Variants in RGL1 observed in about 807,000 individuals in gnomAD.
The protein encoded by RGL1 is ral guanine nucleotide dissociation stimulator like 1.
Under a neutral mutation model 95.2 loss-of-function variants are expected in RGL1, and 24 were observed. The observed-to-expected ratio is 0.25, with a 90% CI of 0.18 to 0.35. The LOEUF (loss-of-function observed/expected upper bound fraction) is 0.35. Ranked by LOEUF, RGL1 falls within the 10% of genes least tolerant of loss-of-function variation. The pLI, the probability that RGL1 is intolerant of heterozygous loss-of-function variation, is 1.00. For missense variants in RGL1, 715 were observed against 936.3 expected (o/e 0.76, Z 3.08); for synonymous variants, 329 against 344.9 (o/e 0.95, Z 0.51).
chr1:183,819,021 ACTT>A (rs1488585428), intron 2 of RGL1, among the ~76,000 whole-genome samples: 3 of 152,220 alleles, frequency 2.0e-5, no homozygotes, highest in African/African-American at 7.2e-5. Flanking sequence ...TAATCCATAT[ACTT>A]CTTAGTGACA....
intron 11 of RGL1, among the ~76,000 whole-genome samples, chr1:183,901,310 A>G (rs532154742): frequency 6.6e-6 from 1 of 152,258 alleles, no homozygotes; most frequent in South Asian, 2.1e-4. Flanking sequence ...AAAAAAAGAA[A>G]AAGAATAAAT....
intron 2 of RGL1, among the ~76,000 whole-genome samples, chr1:183,809,467 C>T (rs1243550516): frequency 6.6e-6 from 1 of 152,138 alleles, no homozygotes; most frequent in Non-Finnish European, 1.5e-5. Context: ...TGCATCCTTG[C>T]CCATTGACGG....
intron 1 of RGL1, among the ~76,000 whole-genome samples, chr1:183,694,929 T>C (rs1654167368): frequency 6.6e-6 from 1 of 152,234 alleles, no homozygotes; most frequent in Admixed American, 6.5e-5. Context: ...GCTGAAAATG[T>C]AGTAAGATCA....
At position 183,793,958 on chromosome 1, in the gene RGL1, C is replaced by T. The variant is rs1333898253; in HGVS notation, c.133-12417C>T. ...AGGAAATTAGTATATCGAAGGGCTA[C>T]CTGGACCTCCATGTATATTTCAGCA... On this transcript the variant is annotated intron_variant, in intron 2 of 18. Coordinates refer to the RGL1 transcript ENST00000304685. Among the ~76,000 whole-genome samples the T allele has an allele frequency of 1.6e-4, 25 of 151,818 alleles. 1 individual carries two copies. The highest frequency in any genetic ancestry group is 1.6e-3 in the Admixed American group (25 of 15,226).
chr1:183,772,415 C>A (rs779419202), intron 2 of RGL1, among the ~76,000 whole-genome samples: 3 of 152,180 alleles, frequency 2.0e-5, no homozygotes, highest in Admixed American at 6.5e-5. Flanking sequence ...ACAAGGGAAC[C>A]TTTCCTATTT....
In RGL1 at chr1:183,715,375, G is replaced by A. The variant is rs1010393157; in HGVS notation, c.-32-26751G>A. ...AACCTCACCTCATTGTTGGTGAACT[G>A]ATTGTTGGTGAACTGATTGTTATAT... is the stretch of plus-strand genomic sequence containing the variant. On this transcript the variant is annotated intron_variant, in intron 1 of 18. Coordinates refer to the RGL1 transcript ENST00000304685. 2.6e-5 allele frequency among the ~76,000 whole-genome samples: 4 copies of A among 151,946 alleles called. No homozygotes were observed. The East Asian group carries it at 7.7e-4, about 29-fold the overall frequency.
intron 1 of RGL1, among the ~76,000 whole-genome samples, chr1:183,678,568 G>A (rs1652987029): frequency 6.6e-6 from 1 of 151,780 alleles, no homozygotes; most frequent in African/African-American, 2.4e-5. Context: ...TTGTTGGTGA[G>A]TTGAGCTACT....
chr1:183,739,650 T>C (rs1250041841), intron 1 of RGL1, among the ~76,000 whole-genome samples: 1 of 152,202 alleles, frequency 6.6e-6, no homozygotes, highest in Non-Finnish European at 1.5e-5. Flanking sequence ...GAAAAAGACT[T>C]CAAGTCTCAG....
intron 1 of RGL1, chr1:183,648,180 A>C: frequency 6.2e-7 from 1 of 1,614,178 alleles, no homozygotes. Context: ...ACCACTTATA[A>C]AGCTGTGGAG....
At chr1:183,712,867 C>A (rs566789906) in intron 1 of RGL1, among the ~76,000 whole-genome samples, 2 of 152,270 alleles carry the variant, frequency 1.3e-5, no homozygotes, top group Middle Eastern at 3.4e-3. Flanking sequence ...CCTGTGGAAT[C>A]TTAATTTTGC....
At chr1:183,762,660 T>G (rs1658753165) in intron 2 of RGL1, among the ~76,000 whole-genome samples, 1 of 152,160 alleles carries the variant, frequency 6.6e-6, no homozygotes, top group Admixed American at 6.5e-5. Context: ...CACTGGTCAT[T>G]AGAGAAATAC....
chr1:183,878,227 C>T (rs1009538637), intron 4 of RGL1, among the ~76,000 whole-genome samples: 4 of 151,522 alleles, frequency 2.6e-5, no homozygotes, highest in Non-Finnish European at 4.4e-5. Context: ...GATAGGGTCT[C>T]GCTCTGTTAC....
chr1:183,887,645 C>T (rs1667196405), intron 7 of RGL1, among the ~76,000 whole-genome samples: 1 of 152,148 alleles, frequency 6.6e-6, no homozygotes, highest in South Asian at 2.1e-4. Flanking sequence ...GACTTTCTCC[C>T]TGTCTGTTTT....
At chr1:183,745,361 C>T (rs1215815203) in intron 2 of RGL1, among the ~76,000 whole-genome samples, 3 of 123,806 alleles carry the variant, frequency 2.4e-5, no homozygotes, top group African/African-American at 7.7e-5. Flanking sequence ...GTCTTCTTTT[C>T]TCCTTATGGT....
chr1:183,827,218 C>T lies in RGL1; in HGVS notation c.139-20348C>T, dbSNP rs146018060. On this transcript the variant is annotated intron_variant, in intron 2 of 17. Transcript: ENST00000360851. ...GATTACAGGTGTGAGCCACTGCATC[C>T]GGCCGTGTGCCAGTTTCTTAAAATT... Among the ~76,000 whole-genome samples, 142 of 152,302 alleles carry T rather than the reference C, an allele frequency of 9.3e-4. 1 individual carries two copies. The Middle Eastern group carries it at 0.02, about 22-fold the overall frequency.
intron 9 of RGL1, among the ~76,000 whole-genome samples, chr1:183,897,196 G>T (rs1667750190): frequency 6.6e-6 from 1 of 152,124 alleles, no homozygotes; most frequent in Non-Finnish European, 1.5e-5. Flanking sequence ...GGCTTGTATT[G>T]ATGATTGCTT....
chr1:183,786,151 C>T (rs1660168818), intron 2 of RGL1, among the ~76,000 whole-genome samples: 1 of 150,936 alleles, frequency 6.6e-6, no homozygotes, highest in Admixed American at 6.6e-5. Flanking sequence ...CCTGTAATCC[C>T]AGCACTTTGA....
At chr1:183,860,120 C>T (rs1308313307) in intron 3 of RGL1, among the ~76,000 whole-genome samples, 2 of 152,070 alleles carry the variant, frequency 1.3e-5, no homozygotes, top group Non-Finnish European at 2.9e-5. Context: ...GTTCTGAGGC[C>T]AGCATTTATT....
intron 4 of RGL1, among the ~76,000 whole-genome samples, chr1:183,880,385 AAC>A (rs371375790): frequency 0.42 from 64,115 of 151,712 alleles, 13,631 homozygotes; most frequent in East Asian, 0.48. Flanking sequence ...AAACAACAAC[AAC>A]AAAAAACCTT....
Sources: allele counts gnomAD v4.1 joint callset (sites outside exome capture counted in the v4.1 genomes callset), GRCh38; gene constraint gnomAD v4.1.1; transcripts MANE v1.5; gene names NCBI Gene and HGNC (gene_info 2026-07-23, HGNC 2026-07-21).